HDAC8: variants seen among roughly 807,000 people sequenced by gnomAD.
HDAC8 encodes the protein histone deacetylase-like 1.
Under a neutral mutation model 32.2 loss-of-function variants are expected in HDAC8, and 1 was observed. That is an observed-to-expected ratio of 0.03 (90% CI 0.01 to 0.15). HDAC8 has a LOEUF of 0.15. Among genes scored for constraint, HDAC8 ranks in the 10% least tolerant of loss-of-function variants. The pLI is 1.00. For missense variants in HDAC8, 117 were observed against 300.0 expected, an observed-to-expected ratio of 0.39 and a Z score of 4.51; for synonymous variants, 108 against 113.9, an observed-to-expected ratio of 0.95 and a Z score of 0.33.
chrX:72,464,054 T>C (rs1406391431), intron 8 of HDAC8, among the ~76,000 whole-genome samples: 4 of 111,945 alleles, frequency 3.6e-5, no homozygotes, highest in Non-Finnish European at 5.6e-5. Flanking sequence ...CAAGAGACTA[T>C]AGATCTCTCA....
At chrX:72,519,273 T>C in intron 4 of HDAC8, among the ~76,000 whole-genome samples, 1 of 112,400 alleles carries the variant, frequency 8.9e-6, no homozygotes, top group East Asian at 2.8e-4. Context: ...TGAACATTTA[T>C]GTGCAAGTCT....
chrX:72,332,607 G>GT (rs782403645), intron 10 of HDAC8, among the ~76,000 whole-genome samples: 18,848 of 90,489 alleles, frequency 0.21, 3,670 homozygotes, highest in African/African-American at 0.58. Flanking sequence ...CTTCCTAATT[G>GT]TTTTTTTTTT....
intron 9 of HDAC8, among the ~76,000 whole-genome samples, chrX:72,372,674 G>A (rs979874830): frequency 7.2e-5 from 8 of 111,502 alleles, no homozygotes; most frequent in Non-Finnish European, 1.3e-4. Context: ...AATATTTATT[G>A]CATAGACTTA....
At chrX:72,442,110 T>C (rs1408460303) in intron 9 of HDAC8, among the ~76,000 whole-genome samples, 1 of 111,018 alleles carries the variant, frequency 9.0e-6, no homozygotes, top group African/African-American at 3.3e-5. Context: ...GAAAACACTC[T>C]TCAGGATATT....
At chrX:72,539,486 C>T (rs930271959) in intron 4 of HDAC8, among the ~76,000 whole-genome samples, 29 of 109,866 alleles carry the variant, frequency 2.6e-4, no homozygotes, top group Middle Eastern at 4.7e-3. Context: ...GTGATCCACC[C>T]GCCTCGGCCT....
chrX:72,496,782 A>AG (rs2049036968), intron 4 of HDAC8, among the ~76,000 whole-genome samples: 1 of 106,990 alleles, frequency 9.3e-6, no homozygotes, highest in Non-Finnish European at 1.9e-5. Context: ...GCATAAACAC[A>AG]GAAAAAAAAA....
intron 9 of HDAC8, among the ~76,000 whole-genome samples, chrX:72,392,687 G>C (rs1431611226): frequency 8.9e-6 from 1 of 112,151 alleles, no homozygotes; most frequent in Admixed American, 9.5e-5. Flanking sequence ...GCATTTAATA[G>C]TAGCCATTTG....
intron 4 of HDAC8, among the ~76,000 whole-genome samples, chrX:72,560,867 C>T (rs1238633709): frequency 9.1e-6 from 1 of 110,081 alleles, no homozygotes; most frequent in Non-Finnish European, 1.9e-5. Flanking sequence ...TTGAATGTTA[C>T]AGTATACTTA....
chrX:72,361,183 G>A (rs1288981049), intron 9 of HDAC8, among the ~76,000 whole-genome samples: 15 of 112,121 alleles, frequency 1.3e-4, no homozygotes, highest in African/African-American at 4.5e-4. Flanking sequence ...TGAACACAGA[G>A]TTGGCACTTA....
intron 4 of HDAC8, among the ~76,000 whole-genome samples, chrX:72,565,473 G>C (rs959173882): frequency 2.7e-5 from 3 of 111,859 alleles, no homozygotes; most frequent in African/African-American, 9.8e-5. Context: ...TCAGCTGAAA[G>C]ATGTCTACAA....
chrX:72,474,628 C>T (rs1555999530), intron 7 of HDAC8: 1 of 1,186,994 alleles, frequency 8.4e-7, no homozygotes, highest in East Asian at 3.0e-5. Flanking sequence ...CCTGATCCTT[C>T]AGTATTCAGC....
intron 9 of HDAC8, among the ~76,000 whole-genome samples, chrX:72,391,665 C>G (rs2045615406): frequency 9.0e-6 from 1 of 111,725 alleles, no homozygotes; most frequent in African/African-American, 3.2e-5. Flanking sequence ...AAAGAACTCT[C>G]TAAATGCTTT....
chrX:72,377,607 G>T (rs192022615), intron 9 of HDAC8, among the ~76,000 whole-genome samples: 1 of 111,557 alleles, frequency 9.0e-6, no homozygotes, highest in Non-Finnish European at 1.9e-5. Context: ...TTATAATTTT[G>T]TCTATTAGTA....
At chrX:72,387,954 G>A (rs2045492919) in intron 9 of HDAC8, among the ~76,000 whole-genome samples, 1 of 110,734 alleles carries the variant, frequency 9.0e-6, no homozygotes, top group Non-Finnish European at 1.9e-5. Context: ...TGGAGGGGAG[G>A]GGTGGCCAGG....
intron 9 of HDAC8, among the ~76,000 whole-genome samples, chrX:72,400,401 A>G (rs1322547807): frequency 1.8e-5 from 2 of 111,774 alleles, no homozygotes; most frequent in Non-Finnish European, 3.8e-5. Flanking sequence ...ACTCTTTATC[A>G]TCTGAAACTG....
chrX:72,386,528 TTC>T (rs1183039095), intron 9 of HDAC8, among the ~76,000 whole-genome samples: 4 of 111,828 alleles, frequency 3.6e-5, no homozygotes, highest in Non-Finnish European at 7.5e-5. Context: ...GTTTGTTATA[TTC>T]TCTGTTACTA....
intron 9 of HDAC8, among the ~76,000 whole-genome samples, chrX:72,370,391 C>A: frequency 8.9e-6 from 1 of 111,844 alleles, no homozygotes; most frequent in Admixed American, 9.5e-5. Flanking sequence ...GACGAAGTTT[C>A]ATTCTGTCGC....
intron 9 of HDAC8, among the ~76,000 whole-genome samples, chrX:72,442,203 C>T (rs1365400152): frequency 1.8e-5 from 2 of 110,052 alleles, no homozygotes; most frequent in Admixed American, 9.8e-5. Flanking sequence ...AGATGCTCCT[C>T]GAGAAGAGCA....
intron 9 of HDAC8, among the ~76,000 whole-genome samples, chrX:72,459,471 G>A (rs1555990910): frequency 9.0e-6 from 1 of 110,684 alleles, no homozygotes; most frequent in Non-Finnish European, 1.9e-5. Context: ...GACTGAGAGC[G>A]AAGAGAGTGA....
Sources: allele counts gnomAD v4.1 joint callset (sites outside exome capture counted in the v4.1 genomes callset), GRCh38; gene constraint gnomAD v4.1.1; transcripts MANE v1.5; gene names NCBI Gene and HGNC (gene_info 2026-07-23, HGNC 2026-07-21).